RALGPS1: variants seen among roughly 807,000 people sequenced by gnomAD.
RALGPS1 encodes Ral GEF with PH domain and SH3 binding motif 1.
Under a neutral mutation model 78.8 loss-of-function variants are expected in RALGPS1, and 19 were observed. The observed-to-expected ratio is 0.24, with a 90% CI of 0.17 to 0.35. RALGPS1 has a LOEUF of 0.35. RALGPS1 is among the 10% of genes least tolerant of loss of function. The pLI is 1.00. For missense variants in RALGPS1, 454 were observed against 688.3 expected (o/e 0.66, Z 3.81); for synonymous variants, 228 against 256.3 (o/e 0.89, Z 1.06).
chr9:127,182,129 G>T (rs189361829), intron 11 of RALGPS1, among the ~76,000 whole-genome samples: 2 of 150,346 alleles, frequency 1.3e-5, no homozygotes, highest in Admixed American at 1.3e-4. Flanking sequence ...CTTGAGCCCA[G>T]AGTAGAGTTT....
At chr9:127,124,037 G>A (rs934081054) in intron 8 of RALGPS1, among the ~76,000 whole-genome samples, 1 of 152,262 alleles carries the variant, frequency 6.6e-6, no homozygotes, top group Admixed American at 6.5e-5. Flanking sequence ...CTACTACCAG[G>A]CACCCGTCCC....
At chr9:127,153,388 T>C (rs2058534830) in intron 8 of RALGPS1, among the ~76,000 whole-genome samples, 1 of 151,020 alleles carries the variant, frequency 6.6e-6, no homozygotes, top group East Asian at 1.9e-4. Flanking sequence ...TTTTTTTTTT[T>C]TTTTTTTTTT....
chr9:126,970,842 A>G (rs2040039309), intron 3 of RALGPS1, among the ~76,000 whole-genome samples: 1 of 152,256 alleles, frequency 6.6e-6, no homozygotes, highest in African/African-American at 2.4e-5. Context: ...GTACAAAAAA[A>G]GAGACAAGAA....
chr9:127,191,068 TTCTC>T (rs1388984147), intron 11 of RALGPS1, among the ~76,000 whole-genome samples: 1 of 152,218 alleles, frequency 6.6e-6, no homozygotes, highest in African/African-American at 2.4e-5. Flanking sequence ...CTTTTGCTTG[TTCTC>T]TCTGTGTGGT....
At chr9:127,066,411 C>T (rs970976102) in intron 7 of RALGPS1, among the ~76,000 whole-genome samples, 2 of 152,234 alleles carry the variant, frequency 1.3e-5, no homozygotes, top group South Asian at 2.1e-4. Context: ...GAGGCCAAGG[C>T]TGGCGGATCA....
intron 5 of RALGPS1, among the ~76,000 whole-genome samples, chr9:127,045,048 G>A (rs1395554023): frequency 6.6e-6 from 1 of 152,148 alleles, no homozygotes; most frequent in Admixed American, 6.5e-5. Flanking sequence ...TTTGGAAAGG[G>A]GAGAGGGCTG....
At chr9:127,013,917 A>G (rs528907338) in intron 4 of RALGPS1, among the ~76,000 whole-genome samples, 2 of 152,250 alleles carry the variant, frequency 1.3e-5, no homozygotes, top group East Asian at 3.9e-4. Context: ...AGTCCTTCTT[A>G]TACACTGATT....
intron 3 of RALGPS1, among the ~76,000 whole-genome samples, chr9:126,975,492 G>A (rs1026858354): frequency 1.3e-5 from 2 of 152,210 alleles, no homozygotes; most frequent in African/African-American, 2.4e-5. Context: ...CTCCCGGATA[G>A]GGTGTTAACT....
chr9:127,203,002 A>G (rs1049519651), intron 14 of RALGPS1, among the ~76,000 whole-genome samples: 2 of 152,324 alleles, frequency 1.3e-5, no homozygotes, highest in South Asian at 4.1e-4. Context: ...GGAAACCAAC[A>G]GGGAAGGGAG....
intron 1 of RALGPS1, among the ~76,000 whole-genome samples, chr9:126,952,379 G>C (rs2037906130): frequency 1.3e-5 from 2 of 152,098 alleles, no homozygotes; most frequent in Admixed American, 6.6e-5. Flanking sequence ...AGTGAGTGAT[G>C]GCCATTCCAG....
chr9:127,154,437 A>C lies in RALGPS1; in HGVS notation c.611-11632A>C, dbSNP rs190106067. 4.2e-4 allele frequency among the ~76,000 whole-genome samples: 64 copies of C among 152,260 alleles called. No individual in the cohort carries two copies. The East Asian group carries it at 0.012, about 28-fold the overall frequency. On this transcript the variant is annotated intron_variant, in intron 8 of 18. Transcript: ENST00000259351. ...GAGAAAGGCAGGGAGAGATCAAAAC[A>C]CCTGAGCCTGAAAACCACAAATAAA...
chr9:126,979,453 T>C (rs552735857), intron 4 of RALGPS1, among the ~76,000 whole-genome samples: 43 of 152,350 alleles, frequency 2.8e-4, no homozygotes, highest in African/African-American at 1.0e-3. Context: ...TGTGTGATGG[T>C]TGCCTTAGTT....
intron 3 of RALGPS1, among the ~76,000 whole-genome samples, chr9:126,970,911 T>C (rs955320218): frequency 3.9e-5 from 6 of 152,172 alleles, no homozygotes; most frequent in African/African-American, 1.4e-4. Context: ...CTGTTTATTT[T>C]TAAATGAGCT....
chr9:127,096,391 G>A (rs544536628), intron 8 of RALGPS1, among the ~76,000 whole-genome samples: 8 of 152,202 alleles, frequency 5.3e-5, no homozygotes, highest in African/African-American at 1.9e-4. Context: ...CGGAAGATCC[G>A]GCAGAAGCCT....
intron 8 of RALGPS1, among the ~76,000 whole-genome samples, chr9:127,156,012 A>G (rs1459275287): frequency 1.3e-5 from 2 of 152,142 alleles, no homozygotes; most frequent in Non-Finnish European, 2.9e-5. Context: ...AAAGATGGCT[A>G]TCGATAACAG....
intron 14 of RALGPS1, among the ~76,000 whole-genome samples, chr9:127,200,333 G>A (rs1370128212): frequency 2.0e-5 from 3 of 152,212 alleles, no homozygotes; most frequent in South Asian, 2.1e-4. Context: ...CTGGTGCTTT[G>A]CGTGCATGGA....
chr9:127,074,402 T>C (rs1291949626), intron 8 of RALGPS1, among the ~76,000 whole-genome samples: 1 of 152,222 alleles, frequency 6.6e-6, no homozygotes, highest in Non-Finnish European at 1.5e-5. Context: ...GCAGTGTCTT[T>C]CTACTTGGTT....
chr9:127,144,173 T>A (rs2057958676), intron 8 of RALGPS1, among the ~76,000 whole-genome samples: 1 of 152,212 alleles, frequency 6.6e-6, no homozygotes, highest in Non-Finnish European at 1.5e-5. Flanking sequence ...TGGAGCTGCT[T>A]CCCTGGCTCA....
intron 8 of RALGPS1, among the ~76,000 whole-genome samples, chr9:127,140,220 A>T (rs934804234): frequency 6.6e-6 from 1 of 152,192 alleles, no homozygotes; most frequent in Non-Finnish European, 1.5e-5. Flanking sequence ...CTGCCTTGAG[A>T]GTTGACTTTG....
Sources: allele counts gnomAD v4.1 joint callset (sites outside exome capture counted in the v4.1 genomes callset), GRCh38; gene constraint gnomAD v4.1.1; transcripts MANE v1.5; gene names NCBI Gene and HGNC (gene_info 2026-07-23, HGNC 2026-07-21).